The following ADCY1 variants were observed in gnomAD, a reference collection of about 807,000 sequenced individuals.
The protein encoded by ADCY1 is adenylate cyclase type 1.
In ADCY1, 28 loss-of-function variants were observed where a neutral mutation model predicts 105.4. That is an observed-to-expected ratio of 0.27 (90% CI 0.20 to 0.36). The LOEUF (loss-of-function observed/expected upper bound fraction) is 0.36. ADCY1 is among the 10% of genes least tolerant of loss of function. The probability of loss-of-function intolerance (pLI) is 1.00; values close to 1 mark genes in which losing one functional copy is unlikely to be tolerated. For synonymous variants in ADCY1, 655 were observed against 623.8 expected (o/e 1.05, Z -0.75); for missense variants, 977 against 1,434.2 (o/e 0.68, Z 5.15).
chr7:45,659,270 C>T (rs1224272716), intron 6 of ADCY1, among the ~76,000 whole-genome samples: 1 of 152,240 alleles, frequency 6.6e-6, no homozygotes, highest in Non-Finnish European at 1.5e-5. Flanking sequence ...CTTTCGTCCT[C>T]AGCCAGCCTT....
At chr7:45,593,290 C>T (rs991752117) in intron 2 of ADCY1, among the ~76,000 whole-genome samples, 4 of 152,152 alleles carry the variant, frequency 2.6e-5, no homozygotes, top group Non-Finnish European at 5.9e-5. Flanking sequence ...CCAGCTCTGC[C>T]CTTGGCTCAG....
chr7:45,581,599 G>A (rs1479038529), intron 1 of ADCY1, among the ~76,000 whole-genome samples: 1 of 152,150 alleles, frequency 6.6e-6, no homozygotes, highest in Admixed American at 6.5e-5. Flanking sequence ...GGGGGCTGAA[G>A]TGGCAGGGGC....
intron 19 of ADCY1, among the ~76,000 whole-genome samples, chr7:45,712,251 C>T (rs1397056535): frequency 7.4e-6 from 1 of 135,428 alleles, no homozygotes; most frequent in African/African-American, 2.8e-5. Flanking sequence ...ATACTTACAC[C>T]TTTTTTTTTT....
At position 45,662,638 on chromosome 7, in the gene ADCY1, G is replaced by A. The variant is rs188248771; in HGVS notation, c.1605+424G>A. 8.7e-4 allele frequency among the ~76,000 whole-genome samples: 132 copies of A among 152,124 alleles called. 1 individual carries two copies. Among genetic ancestry groups the A allele is most frequent in the African/African-American group, 2.7e-3 (111 of 41,498 alleles). On this transcript the variant is annotated intron_variant, in intron 8 of 19. Transcript: ENST00000297323. ...GTGCCTCATCTGTCTGTGCCTGTGC[G>A]GCTTCCTGGCTCCCTCTCTATGCAG...
At chr7:45,668,862 G>A (rs1276382453) in intron 8 of ADCY1, among the ~76,000 whole-genome samples, 29 of 152,016 alleles carry the variant, frequency 1.9e-4, no homozygotes, top group Admixed American at 1.8e-3. Context: ...GTCTTGGGAG[G>A]GTGTATGTGT....
Position 45,575,168 on chromosome 7 carries a change from C to A in ADCY1, c.625C>A (p.Arg209Ser), listed in dbSNP as rs1319082595. The A allele has an allele frequency of 3.1e-6, 5 of 1,604,266 alleles. No individual in the cohort carries two copies. Among genetic ancestry groups the A allele is most frequent in the Non-Finnish European group, 4.3e-6 (5 of 1,175,552 alleles). The change falls in exon 1 of 20, where the codon CGT becomes AGT. Residue 209 changes from arginine to serine, a missense_variant. Arg to Ser is a moderately radical substitution (Grantham distance 110). Coordinates refer to ENST00000297323, the MANE Select transcript of ADCY1 (RefSeq NM_021116.4). This position sits in a 1 kb window ranked among gnomAD's most constrained non-coding sequence, Gnocchi z 4.7. Reference protein sequence around the residue: ...TATLVPAKRPRLWRTLGANAL... With the variant: ...TATLVPAKRPSLWRTLGANAL... Reference sequence around the variant, plus strand: ...CACCTTGGTCCCCGCCAAGCGCCCACGTCTCTGGAGGACGGTAAGTGCAGC... The same window carrying A: ...CACCTTGGTCCCCGCCAAGCGCCCAAGTCTCTGGAGGACGGTAAGTGCAGC...
rs914125359 is a variant in ADCY1, at chr7:45,591,019, C to T, written c.640-1740C>T. Among the ~76,000 whole-genome samples, 4 of 152,186 alleles carry T rather than the reference C, an allele frequency of 2.6e-5. No homozygotes were observed. Among genetic ancestry groups the T allele is most frequent in the Admixed American group, 1.3e-4 (2 of 15,282 alleles). The stretch of plus-strand genomic sequence containing the variant: ...GCTGTCAGCTGGAGCCCTGCAGATT[C>T]GTGTTCCTTGTCCTCCCTCCCTGTC... On this transcript the variant is annotated intron_variant, in intron 1 of 19. Transcript: ENST00000297323. The surrounding 1 kb of genome is among the most constrained non-coding windows in gnomAD (Gnocchi z 4.1).
chr7:45,635,189 C>A lies in ADCY1; in HGVS notation c.1020+12446C>A, dbSNP rs532798114. Among the ~76,000 whole-genome samples, 14 of 149,342 alleles carry A rather than the reference C, an allele frequency of 9.4e-5. No individual in the cohort carries two copies. The South Asian group carries it at 3.0e-3, about 32-fold the overall frequency. On this transcript the variant is annotated intron_variant, in intron 4 of 19. Coordinates refer to ENST00000297323, the MANE Select transcript of ADCY1 (RefSeq NM_021116.4). Reference sequence around the variant, plus strand: ...TGGTGGTAGTTCTTCATAGTATTTCCTTGTTTTCCTTCTAATATCTGTAGA... The same window carrying A: ...TGGTGGTAGTTCTTCATAGTATTTCATTGTTTTCCTTCTAATATCTGTAGA...
Position 45,648,889 on chromosome 7 carries a change from C to T in ADCY1, c.1148+92C>T. 3.3e-6 allele frequency: 5 copies of T among 1,502,888 alleles called. No individual in the cohort carries two copies. The South Asian group carries it at 6.2e-5, about 19-fold the overall frequency. The allele number at this position is 1,502,888 out of a possible 1,614,324, so 93.1% of individuals were successfully genotyped here. A position where few individuals can be genotyped will look rare whatever the true frequency, so the allele number is the denominator to read the frequency against. Reference sequence around the variant, plus strand: ...GCCACCTTCTGCCCCATGTGGGCTCCCCTCTCAGGGTCTCGCTTTGTCCTG... The same window carrying T: ...GCCACCTTCTGCCCCATGTGGGCTCTCCTCTCAGGGTCTCGCTTTGTCCTG... On this transcript the variant is annotated intron_variant, in intron 5 of 19. Transcript: ENST00000297323.
intron 1 of ADCY1, 89 bp from the exon 2 acceptor site, chr7:45,592,670 A>AGCTCTTGCTAT: frequency 1.3e-6 from 2 of 1,561,108 alleles, no homozygotes; most frequent in Non-Finnish European, 1.7e-6. Context: ...GCTTTTGGAG[A>AGCTCTTGCTAT]GCTCTTGCTA....
At chr7:45,649,805 G>A (rs1794761420) in intron 5 of ADCY1, among the ~76,000 whole-genome samples, 1 of 152,170 alleles carries the variant, frequency 6.6e-6, no homozygotes, top group Admixed American at 6.5e-5. Context: ...TCACCAACAC[G>A]GCTTCATGTC....
intron 4 of ADCY1, among the ~76,000 whole-genome samples, chr7:45,642,380 A>G (rs532736894): frequency 5.3e-5 from 8 of 152,174 alleles, no homozygotes; most frequent in Non-Finnish European, 8.8e-5. Context: ...AAGGGTGGTC[A>G]GGGGATGGAC....
At chr7:45,673,012 C>G (rs573794266) in intron 8 of ADCY1, among the ~76,000 whole-genome samples, 2 of 152,258 alleles carry the variant, frequency 1.3e-5, no homozygotes, top group South Asian at 4.2e-4. Context: ...TAATTTTTAT[C>G]ATGAATGGGT....
In ADCY1 at chr7:45,592,779, C is replaced by G. The variant is rs923329448; in HGVS notation, c.660C>G (p.Leu220=). ...TGCAGCTCGGTGCCAATGCCTTGCT[C>G]TTCGTCGGTGTGAACATGTATGGGG... ...LWRTLGANAL[L]FVGVNMYGVF... is the part of the protein sequence containing the mutation. Residue 220 remains leucine, a synonymous_variant, in exon 2 of 20, where the codon CTC becomes CTG. Coordinates refer to ENST00000297323, the MANE Select transcript of ADCY1 (RefSeq NM_021116.4). 7.4e-6 allele frequency: 12 copies of G among 1,614,088 alleles called. No homozygotes were observed. Among genetic ancestry groups the G allele is most frequent in the East Asian group, 2.2e-5 (1 of 44,882 alleles).
intron 14 of ADCY1, among the ~76,000 whole-genome samples, chr7:45,689,759 G>T (rs906074130): frequency 6.6e-6 from 1 of 152,226 alleles, no homozygotes; most frequent in Non-Finnish European, 1.5e-5. Context: ...ACGCCAGAAG[G>T]CCTGACTGCG....
At position 45,710,569 on chromosome 7, in the gene ADCY1, C is replaced by T. The variant is rs898368591; in HGVS notation, c.2974C>T (p.Arg992Cys). ...GPVVAGVIGA[R>C]RPQYDIWGNT... ...TGTGGTGGCTGGAGTGATTGGCGCTCGCAGGCCCCAGTACGACATCTGGGG... is the reference window on the plus strand; with the variant it reads ...TGTGGTGGCTGGAGTGATTGGCGCTTGCAGGCCCCAGTACGACATCTGGGG... Residue 992 changes from arginine to cysteine, a missense_variant, in exon 19 of 20, where the codon CGC becomes TGC. Arg to Cys is a radical substitution (Grantham distance 180, BLOSUM62 -3). This residue lies in a region of ADCY1 where 152 missense variants were observed against 293.7 expected (regional missense o/e 0.52). Transcript: ENST00000297323. The surrounding 1 kb of genome is among the most constrained non-coding windows in gnomAD (Gnocchi z 4.7). 8 of 1,613,882 alleles carry T rather than the reference C, an allele frequency of 5.0e-6. No homozygotes were observed. The highest frequency in any genetic ancestry group is 2.2e-5 in the South Asian group (2 of 91,082).
chr7:45,627,690 T>G (rs1794102498), intron 4 of ADCY1, among the ~76,000 whole-genome samples: 1 of 152,074 alleles, frequency 6.6e-6, no homozygotes, highest in African/African-American at 2.4e-5. Context: ...AGCAGGAGCC[T>G]CATTTGGGGA....
chr7:45,690,685 G>T (rs1394115015), intron 14 of ADCY1, among the ~76,000 whole-genome samples: 1 of 152,200 alleles, frequency 6.6e-6, no homozygotes. Context: ...TACCTGCCCT[G>T]GAAGGGAGAT....
At chr7:45,693,264 A>G (rs1401191332) in intron 14 of ADCY1, among the ~76,000 whole-genome samples, 25 of 150,344 alleles carry the variant, frequency 1.7e-4, no homozygotes, top group Non-Finnish European at 3.7e-4. Flanking sequence ...TTTTGCATCA[A>G]TGTTCATCAA....
Sources: gnomAD v4.1 joint callset for allele counts (sites outside exome capture counted in the v4.1 genomes callset) on GRCh38, gnomAD v4.1.1 for gene constraint, gnomAD v4.1.1 regional missense constraint, Gnocchi (gnomAD v3.1) non-coding constraint, MANE v1.5 for transcripts, NCBI Gene and HGNC (gene_info 2026-07-23, HGNC 2026-07-21) for gene names.